The following SHOC2 variants were observed in gnomAD, a reference collection of about 807,000 sequenced individuals.
The protein encoded by SHOC2 is SHOC2 leucine rich repeat scaffold protein, also known as leucine-rich repeat protein SHOC-2.
SHOC2 carries 4 observed loss-of-function variants against 50.2 expected under a neutral mutation model. That is an observed-to-expected ratio of 0.08 (90% CI 0.04 to 0.18). SHOC2 has a LOEUF of 0.18. Ranked by LOEUF, SHOC2 falls within the 10% of genes least tolerant of loss-of-function variation. SHOC2 has a pLI of 1.00. For synonymous variants in SHOC2, 218 were observed against 244.5 expected, an observed-to-expected ratio of 0.89 and a Z score of 1.01; for missense variants, 388 against 669.6, an observed-to-expected ratio of 0.58 and a Z score of 4.64.
intron 3 of SHOC2, among the ~76,000 whole-genome samples, chr10:110,998,450 T>G (rs973761399): frequency 2.0e-5 from 3 of 152,152 alleles, no homozygotes; most frequent in Admixed American, 6.5e-5. Context: ...ATGAAGTCAC[T>G]AAGTGAAGCA....
intron 5 of SHOC2, among the ~76,000 whole-genome samples, chr10:111,006,407 G>C (rs922173833): frequency 2.0e-5 from 3 of 152,156 alleles, no homozygotes; most frequent in Non-Finnish European, 4.4e-5. Flanking sequence ...GTCTCGCTCT[G>C]TCACCCAGGC....
chr10:110,920,056 C>G (rs1018740369), intron 1 of SHOC2: 1 of 150,328 alleles, frequency 6.7e-6, no homozygotes, highest in Non-Finnish European at 1.5e-5. Context: ...TCTCTCCTCT[C>G]GGCTCCCTGG....
chr10:110,973,723 A>G (rs1847825361), intron 2 of SHOC2, among the ~76,000 whole-genome samples: 1 of 151,984 alleles, frequency 6.6e-6, no homozygotes, highest in Non-Finnish European at 1.5e-5. Flanking sequence ...CAGTTTATTT[A>G]ATAGACACAT....
intron 1 of SHOC2, among the ~76,000 whole-genome samples, chr10:110,944,637 A>G (rs1452646939): frequency 6.6e-6 from 1 of 152,242 alleles, no homozygotes; most frequent in Non-Finnish European, 1.5e-5. Flanking sequence ...AAATAATTTG[A>G]CAACTATGAA....
chr10:110,973,727 GAC>G (rs1329622658), intron 2 of SHOC2, among the ~76,000 whole-genome samples: 1 of 151,902 alleles, frequency 6.6e-6, no homozygotes, highest in Non-Finnish European at 1.5e-5. Flanking sequence ...TTATTTAATA[GAC>G]ACATAGTTAT....
At position 110,964,591 on chromosome 10, in the gene SHOC2, C is replaced by T. The variant is rs201197595; in HGVS notation, c.233C>T (p.Ala78Val). ...AATACGATCAAACGGCCAAACCCAGCACCTGGGACTAGAAAAAAATCCAGC... is the reference window on the plus strand; with the variant it reads ...AATACGATCAAACGGCCAAACCCAGTACCTGGGACTAGAAAAAAATCCAGC... ...VDNTIKRPNPAPGTRKKSSNA... is the reference protein window; with the variant it reads ...VDNTIKRPNPVPGTRKKSSNA... The change falls in exon 2 of 9, where the codon GCA (alanine) becomes GTA (valine). Residue 78 changes from alanine (A) to valine (V), a missense_variant. Physicochemically the swap from Ala to Val is moderately conservative, Grantham distance 64. This residue lies in a region of SHOC2 where 121 missense variants were observed against 145.5 expected (regional missense o/e 0.83). Coordinates refer to ENST00000369452, the MANE Select transcript of SHOC2 (RefSeq NM_007373.4). The surrounding 1 kb of genome is among the most constrained non-coding windows in gnomAD (Gnocchi z 4.9). The T allele has an allele frequency of 1.5e-5, 25 of 1,613,934 alleles. No homozygotes were observed. Among genetic ancestry groups the T allele is most frequent in the Non-Finnish European group, 1.9e-5 (23 of 1,180,004 alleles).
intron 2 of SHOC2, among the ~76,000 whole-genome samples, chr10:110,973,599 G>C (rs1031663245): frequency 2.0e-5 from 3 of 151,956 alleles, no homozygotes; most frequent in African/African-American, 7.2e-5. Flanking sequence ...TTCTAGAAGG[G>C]TTTGTGCAGA....
intron 1 of SHOC2, among the ~76,000 whole-genome samples, chr10:110,959,604 T>C (rs2134115167): frequency 6.6e-6 from 1 of 152,350 alleles, no homozygotes; most frequent in Admixed American, 6.5e-5. Flanking sequence ...TAGAATCACC[T>C]GGAAAACTCT....
At chr10:110,997,100 A>G (rs951460911) in intron 3 of SHOC2, among the ~76,000 whole-genome samples, 1 of 152,224 alleles carries the variant, frequency 6.6e-6, no homozygotes, top group Non-Finnish European at 1.5e-5. Context: ...TTGCTAAGAT[A>G]TTACATTTTG....
chr10:111,000,369 T>C (rs1304421605), intron 3 of SHOC2, 46 bp from the exon 4 acceptor site: 2 of 1,599,642 alleles, frequency 1.3e-6, no homozygotes, highest in East Asian at 2.2e-5. Flanking sequence ...GAGAGGCTCA[T>C]CAGATTTTGT....
intron 1 of SHOC2, among the ~76,000 whole-genome samples, chr10:110,929,764 C>G (rs1008192498): frequency 6.6e-6 from 1 of 152,176 alleles, no homozygotes; most frequent in Non-Finnish European, 1.5e-5. Flanking sequence ...TCCCAAAGGT[C>G]CCATCTTCAA....
chr10:110,966,627 A>G (rs899657813), intron 2 of SHOC2, among the ~76,000 whole-genome samples: 2 of 152,170 alleles, frequency 1.3e-5, no homozygotes, highest in Non-Finnish European at 2.9e-5. Flanking sequence ...AAGAATATAC[A>G]TATATGTTCT....
intron 1 of SHOC2, among the ~76,000 whole-genome samples, chr10:110,932,737 A>C (rs984932271): frequency 2.6e-5 from 4 of 152,010 alleles, no homozygotes; most frequent in Non-Finnish European, 5.9e-5. Context: ...CACTTACTCG[A>C]CTTTTTTCTT....
At chr10:110,946,093 C>A (rs1466064222) in intron 1 of SHOC2, among the ~76,000 whole-genome samples, 3 of 151,928 alleles carry the variant, frequency 2.0e-5, no homozygotes, top group South Asian at 2.1e-4. Context: ...TTTTTTTAAT[C>A]AAATAAAAAT....
chr10:110,999,462 G>A (rs1256153143), intron 3 of SHOC2, among the ~76,000 whole-genome samples: 3 of 152,078 alleles, frequency 2.0e-5, no homozygotes, highest in Non-Finnish European at 4.4e-5. Context: ...GCTCAGCTGG[G>A]CGCAGTGGCT....
chr10:110,927,282 C>A (rs1846796179), intron 1 of SHOC2, among the ~76,000 whole-genome samples: 1 of 152,100 alleles, frequency 6.6e-6, no homozygotes, highest in African/African-American at 2.4e-5. Context: ...CAAAATTTCA[C>A]CAGAGCTTTA....
At chr10:110,939,917 A>C (rs759529048) in intron 1 of SHOC2, among the ~76,000 whole-genome samples, 24 of 152,180 alleles carry the variant, frequency 1.6e-4, no homozygotes, top group Non-Finnish European at 2.8e-4. Flanking sequence ...GGAAAAGTGG[A>C]CTTAAATGAC....
intron 1 of SHOC2, among the ~76,000 whole-genome samples, chr10:110,929,937 A>G (rs1424603964): frequency 6.6e-6 from 1 of 152,196 alleles, no homozygotes; most frequent in African/African-American, 2.4e-5. Context: ...GTATCCCTTT[A>G]TGTATATTAA....
chr10:110,963,485 C>T (rs531363685), intron 1 of SHOC2, among the ~76,000 whole-genome samples: 1 of 152,244 alleles, frequency 6.6e-6, no homozygotes, highest in East Asian at 1.9e-4. Flanking sequence ...GTTTTTCATA[C>T]ATATTTCACT....
Sources: gnomAD v4.1 joint callset for allele counts (sites outside exome capture counted in the v4.1 genomes callset) on GRCh38, gnomAD v4.1.1 for gene constraint, gnomAD v4.1.1 regional missense constraint, Gnocchi (gnomAD v3.1) non-coding constraint, MANE v1.5 for transcripts, NCBI Gene and HGNC (gene_info 2026-07-23, HGNC 2026-07-21) for gene names.